The following ACSS2 variants were observed in gnomAD, a reference collection of about 807,000 sequenced individuals.
The protein encoded by ACSS2 is acyl-CoA synthetase short chain family member 2, also known as acetyl-coenzyme A synthetase, cytoplasmic.
Under a neutral mutation model 90.6 loss-of-function variants are expected in ACSS2, and 58 were observed. The observed-to-expected ratio is 0.64, with a 90% confidence interval of 0.52 to 0.80. The LOEUF is 0.80. Among genes scored for constraint, ACSS2 ranks in the 30% least tolerant of loss-of-function variants. The pLI is 0.00. For synonymous variants in ACSS2, 300 were observed against 330.9 expected (o/e 0.91, Z 1.01); for missense variants, 759 against 912.0 (o/e 0.83, Z 2.16).
Position 34,898,902 on chromosome 20 carries a change from G to T in ACSS2, c.375-14194G>T, listed in dbSNP as rs542488139. On this transcript the variant is annotated intron_variant, in intron 2 of 17. Coordinates refer to ENST00000360596, the MANE Select transcript of ACSS2 (RefSeq NM_018677.4). ...CCGCACAGGAGCCCACGGTGGGGGT[G>T]GGGGAGGCTCAGGCATGGCGGGCTG... 1.4e-3 allele frequency among the ~76,000 whole-genome samples: 214 copies of T among 152,324 alleles called. 1 individual carries two copies. Among genetic ancestry groups the T allele is most frequent in the African/African-American group, 4.9e-3 (205 of 41,580 alleles).
intron 2 of ACSS2, among the ~76,000 whole-genome samples, chr20:34,905,143 C>T (rs1053416091): frequency 3.3e-5 from 5 of 152,044 alleles, no homozygotes; most frequent in Non-Finnish European, 5.9e-5. Context: ...GTCTTGAACT[C>T]CTGTCCTCAA....
intron 2 of ACSS2, among the ~76,000 whole-genome samples, chr20:34,899,431 C>CTTCT (rs2080582962): frequency 1.7e-5 from 1 of 59,804 alleles, no homozygotes; most frequent in Non-Finnish European, 4.0e-5. Context: ...TCTTTCCTTC[C>CTTCT]TTCCTTCCTT....
In ACSS2 at chr20:34,927,572, A is replaced by T. The variant is rs2081346008; in HGVS notation, c.*358A>T. The T allele has an allele frequency of 3.6e-6, 1 of 274,690 alleles. No individual in the cohort carries two copies. Among genetic ancestry groups the T allele is most frequent in the African/African-American group, 2.1e-5 (1 of 47,106 alleles). 17.0% of individuals were successfully genotyped at this position (274,690 alleles called of 1,614,324 possible). ...TAATCCTATGTCAGCTCTCTTAGGA[A>T]GCCCCAGTACTTATATTGGGCATGC... On this transcript the variant is annotated 3_prime_UTR_variant, in exon 18 of 18. Coordinates refer to ENST00000360596, the MANE Select transcript of ACSS2 (RefSeq NM_018677.4). The surrounding 1 kb of genome is among the most constrained non-coding windows in gnomAD (Gnocchi z 4.2).
chr20:34,914,376 T>G lies in ACSS2; in HGVS notation c.773T>G (p.Leu258Arg). Residue 258 changes from leucine to arginine, a missense_variant, in exon 7 of 18, where the codon CTC (leucine) becomes CGC (arginine). Transcript: ENST00000360596. ...IVVKHLGRAE[L>R]GMGDSTSQSP... ...GTCAAGCACCTGGGGCGGGCAGAGC[T>G]CGGCATGGGTGACTCCACCAGCCAG... 1 of 1,613,882 alleles carries G rather than the reference T, an allele frequency of 6.2e-7. No individual in the cohort carries two copies. Among genetic ancestry groups the G allele is most frequent in the Non-Finnish European group, 8.5e-7 (1 of 1,179,918 alleles).
intron 2 of ACSS2, among the ~76,000 whole-genome samples, chr20:34,902,972 A>G (rs1601329927): frequency 6.6e-6 from 1 of 150,580 alleles, no homozygotes; most frequent in African/African-American, 2.4e-5. Context: ...GGCTCAAGCA[A>G]TCCTCCCACC....
intron 2 of ACSS2, among the ~76,000 whole-genome samples, chr20:34,907,782 G>A (rs868814617): frequency 3.3e-5 from 5 of 152,186 alleles, no homozygotes; most frequent in Non-Finnish European, 4.4e-5. Flanking sequence ...ATTCAGGGCC[G>A]TTTGCCAGCT....
intron 2 of ACSS2, among the ~76,000 whole-genome samples, chr20:34,888,380 CAT>C (rs1226743482): frequency 6.6e-6 from 1 of 152,076 alleles, no homozygotes; most frequent in Non-Finnish European, 1.5e-5. Flanking sequence ...TAAAAAAAAA[CAT>C]GTCAAATTCC....
Position 34,900,729 on chromosome 20 carries a change from G to A in ACSS2, c.375-12367G>A, listed in dbSNP as rs1224753608. Among the ~76,000 whole-genome samples, 4 of 152,196 alleles carry A rather than the reference G, an allele frequency of 2.6e-5. No individual in the cohort carries two copies. In the East Asian group the frequency reaches 7.7e-4, roughly 29 times the overall value. ...AGATATCATTTGAAACCAGAAATCT[G>A]TGGTGTTTTCAAAAGGAACTTTTTC... On this transcript the variant is annotated intron_variant, in intron 2 of 17. Transcript: ENST00000360596.
intron 2 of ACSS2, among the ~76,000 whole-genome samples, chr20:34,884,087 A>G (rs1432668059): frequency 6.6e-6 from 1 of 152,166 alleles, no homozygotes; most frequent in Non-Finnish European, 1.5e-5. Flanking sequence ...GTGGGACTAC[A>G]GACATGCACC....
intron 2 of ACSS2, among the ~76,000 whole-genome samples, chr20:34,902,398 AT>A (rs1269387797): frequency 4.6e-5 from 7 of 152,236 alleles, no homozygotes; most frequent in Non-Finnish European, 8.8e-5. Flanking sequence ...AAGCAGTGTT[AT>A]GATGAATAAC....
chr20:34,920,722 C>A lies in ACSS2; in HGVS notation c.1143+13C>A. On this transcript the variant is annotated intron_variant, in intron 9 of 17. Transcript: ENST00000360596. Reference sequence around the variant, plus strand: ...CACCAGTGTTTTGGTGAGAAGGGAGCCACCTGGCCTAGCTGGGGGATGGAC... The same window carrying A: ...CACCAGTGTTTTGGTGAGAAGGGAGACACCTGGCCTAGCTGGGGGATGGAC... The A allele has an allele frequency of 6.2e-7, 1 of 1,603,322 alleles. No homozygotes were observed. Among genetic ancestry groups the A allele is most frequent in the Non-Finnish European group, 8.5e-7 (1 of 1,173,846 alleles).
At chr20:34,889,555 A>G (rs932190087) in intron 2 of ACSS2, among the ~76,000 whole-genome samples, 1 of 151,964 alleles carries the variant, frequency 6.6e-6, no homozygotes, top group Non-Finnish European at 1.5e-5. Context: ...ATGCCCACCC[A>G]CACCACTAGA....
intron 2 of ACSS2, among the ~76,000 whole-genome samples, chr20:34,896,064 T>C (rs891679063): frequency 1.3e-5 from 2 of 152,200 alleles, no homozygotes; most frequent in African/African-American, 4.8e-5. Flanking sequence ...TCACTTGTTA[T>C]AGGTAAGGCC....
intron 2 of ACSS2, among the ~76,000 whole-genome samples, chr20:34,895,656 C>G (rs1409849951): frequency 6.6e-6 from 1 of 152,042 alleles, no homozygotes; most frequent in East Asian, 1.9e-4. Context: ...TGTCATTGTA[C>G]CATAATAAAG....
At chr20:34,919,613 G>T in intron 8 of ACSS2, 41 bp downstream of exon 8, 1 of 1,309,870 alleles carries the variant, frequency 7.6e-7, no homozygotes, top group Non-Finnish European at 1.1e-6. Context: ...GTGTGTGTGT[G>T]TGTGTGTATT....
At chr20:34,905,508 C>T (rs2147049318) in intron 2 of ACSS2, among the ~76,000 whole-genome samples, 1 of 152,328 alleles carries the variant, frequency 6.6e-6, no homozygotes, top group African/African-American at 2.4e-5. Context: ...GATCCGCCCG[C>T]CTCAGCCTCC....
In ACSS2 at chr20:34,876,757, T is replaced by C. The variant is rs775580200; in HGVS notation, c.112T>C (p.Ser38Pro). ...GTCTCCGCCGCCCGAGGTCAGCCGC[T>C]CCGCGCACGTCCCCTCGCTGCAGCG... ...SWSPPPEVSR[S>P]AHVPSLQRYR... Residue 38 changes from serine (S) to proline (P), a missense_variant, in exon 1 of 18, where the codon TCC (serine) becomes CCC (proline). Physicochemically the swap from Ser to Pro is moderately conservative, Grantham distance 74. Transcript: ENST00000360596. The C allele has an allele frequency of 1.4e-6, 2 of 1,426,566 alleles. No individual in the cohort carries two copies. Among genetic ancestry groups the C allele is most frequent in the South Asian group, 1.4e-5 (1 of 70,288 alleles). The allele number at this position is 1,426,566 out of a possible 1,614,324, so 88.4% of individuals were successfully genotyped here.
intron 16 of ACSS2, 27 bp from the exon 17 acceptor site, chr20:34,926,850 A>C: frequency 6.2e-7 from 1 of 1,613,490 alleles, no homozygotes; most frequent in Non-Finnish European, 8.5e-7. Context: ...GGTGCTGAAG[A>C]AATGCTTGAT....
chr20:34,906,208 G>A (rs1291414665), intron 2 of ACSS2, among the ~76,000 whole-genome samples: 12 of 152,002 alleles, frequency 7.9e-5, no homozygotes, highest in African/African-American at 2.9e-4. Flanking sequence ...GGTGGCAGGC[G>A]CCTGTGGTCC....
Sources: allele counts gnomAD v4.1 joint callset (sites outside exome capture counted in the v4.1 genomes callset), GRCh38; gene constraint gnomAD v4.1.1; non-coding constraint Gnocchi (gnomAD v3.1); transcripts MANE v1.5; gene names NCBI Gene and HGNC (gene_info 2026-07-23, HGNC 2026-07-21).